ARID5B: variants seen among roughly 807,000 people sequenced by gnomAD.
The protein encoded by ARID5B is AT-rich interaction domain 5B.
A neutral mutation model predicts 97.2 loss-of-function variants in ARID5B; 13 were observed. The observed-to-expected ratio is 0.13, with a 90% CI of 0.09 to 0.21. The LOEUF (loss-of-function observed/expected upper bound fraction) is 0.21. ARID5B is among the 10% of genes least tolerant of loss of function. ARID5B has a pLI of 1.00. For missense variants in ARID5B, 1,210 were observed against 1,465.3 expected (o/e 0.83, Z 2.84); for synonymous variants, 556 against 570.3 (o/e 0.97, Z 0.36).
intron 9 of ARID5B, among the ~76,000 whole-genome samples, chr10:62,087,812 A>G (rs779976943): frequency 6.6e-6 from 1 of 151,976 alleles, no homozygotes; most frequent in Non-Finnish European, 1.5e-5. Context: ...ATTAGGTTTC[A>G]TAATTATTTT....
rs778298769 is a variant in ARID5B, at chr10:62,000,081, G to GT, written c.503-7dup. 3 of 1,613,318 alleles carry GT rather than the reference G, an allele frequency of 1.9e-6. No homozygotes were observed. In the South Asian group the frequency reaches 3.3e-5, roughly 18 times the overall value. On this transcript the variant is annotated splice_polypyrimidine_tract_variant and intron_variant, in intron 3 of 9. Transcript: ENST00000279873. The surrounding 1 kb of genome is among the most constrained non-coding windows in gnomAD (Gnocchi z 4.4). ...AAGAGGGTAATGGAAGTGTTTTCTC[G>GT]TTTGTCTAGGGGAGGACGAGGAAGA...
chr10:62,092,199 G>A lies in ARID5B; in HGVS notation c.2736G>A (p.Lys912=), dbSNP rs117023200. 886 of 1,610,638 alleles carry A rather than the reference G, an allele frequency of 5.5e-4. 2 individuals carry two copies. In the East Asian group the frequency reaches 8.4e-3, roughly 15 times the overall value. Residue 912 remains lysine (K), a synonymous_variant, in exon 10 of 10, where the codon AAG becomes AAA. Coordinates refer to ENST00000279873, the MANE Select transcript of ARID5B (RefSeq NM_032199.3). ...AGCCTACAGATCTGAGCCTTCCCAA[G>A]AACCCGCACAAACCTACCGGCAAGG... ...DDQPTDLSLP[K]NPHKPTGKVL...
intron 4 of ARID5B, among the ~76,000 whole-genome samples, chr10:62,021,591 G>A (rs891761187): frequency 6.6e-6 from 1 of 152,226 alleles, no homozygotes; most frequent in African/African-American, 2.4e-5. Flanking sequence ...TTACCAAGAA[G>A]TATCTCCTTT....
At position 61,918,927 on chromosome 10, in the gene ARID5B, A is replaced by G. The variant is rs557461529; in HGVS notation, c.276+16514A>G. On this transcript the variant is annotated intron_variant, in intron 2 of 9. Coordinates refer to ENST00000279873, the MANE Select transcript of ARID5B (RefSeq NM_032199.3). ...CATGCACCTGTAATCCCAGCTACTC[A>G]GGAGGCTGAGGCAGGAGAATCTCTT... Among the ~76,000 whole-genome samples, 14 of 151,680 alleles carry G rather than the reference A, an allele frequency of 9.2e-5. No homozygotes were observed. In the East Asian group the frequency reaches 2.7e-3, roughly 30 times the overall value.
intron 8 of ARID5B, among the ~76,000 whole-genome samples, chr10:62,077,229 G>C (rs889722280): frequency 6.6e-6 from 1 of 152,150 alleles, no homozygotes; most frequent in Non-Finnish European, 1.5e-5. Flanking sequence ...GTATCACTCA[G>C]CATGCCTAAA....
intron 8 of ARID5B, among the ~76,000 whole-genome samples, chr10:62,080,162 T>C (rs2132969106): frequency 6.6e-6 from 1 of 152,306 alleles, no homozygotes; most frequent in Admixed American, 6.5e-5. Flanking sequence ...CCCCAGACTT[T>C]CAGTTCACAT....
intron 3 of ARID5B, among the ~76,000 whole-genome samples, chr10:61,993,534 T>C (rs1293025844): frequency 6.6e-6 from 1 of 152,222 alleles, no homozygotes; most frequent in Admixed American, 6.5e-5. Flanking sequence ...TCTTTTTTTT[T>C]CTTCATGTTA....
chr10:62,045,370 G>A (rs1448849701), intron 4 of ARID5B, among the ~76,000 whole-genome samples: 6 of 151,880 alleles, frequency 4.0e-5, no homozygotes, highest in Non-Finnish European at 8.8e-5. Flanking sequence ...ATAGAACACA[G>A]TAAATGATAA....
intron 4 of ARID5B, among the ~76,000 whole-genome samples, chr10:62,037,266 G>A (rs1326307625): frequency 6.6e-6 from 1 of 152,280 alleles, no homozygotes; most frequent in African/African-American, 2.4e-5. Flanking sequence ...CCTGAGCCCC[G>A]AGGCTGTGGT....
intron 2 of ARID5B, among the ~76,000 whole-genome samples, chr10:61,921,706 G>A (rs922057826): frequency 3.9e-5 from 6 of 152,156 alleles, no homozygotes; most frequent in Non-Finnish European, 7.3e-5. Context: ...AATCTCAGGG[G>A]ACCATCTTCG....
At chr10:61,902,069 G>T in intron 1 of ARID5B, 90 bp from the exon 2 acceptor site, 1 of 1,495,260 alleles carries the variant, frequency 6.7e-7, no homozygotes, top group Non-Finnish European at 9.1e-7. Flanking sequence ...TATTAAGAGA[G>T]TGGATGTCTG....
intron 2 of ARID5B, among the ~76,000 whole-genome samples, chr10:61,911,751 GCAGC>G (rs1843808422): frequency 6.6e-6 from 1 of 152,176 alleles, no homozygotes; most frequent in African/African-American, 2.4e-5. Context: ...GGCTTGGGGG[GCAGC>G]GGGCAGAAGG....
chr10:62,034,756 G>C (rs1293331783), intron 4 of ARID5B, among the ~76,000 whole-genome samples: 2 of 152,154 alleles, frequency 1.3e-5, no homozygotes, highest in Non-Finnish European at 2.9e-5. Context: ...CTATTTTATT[G>C]ATCTTTGTTA....
At chr10:61,997,107 C>T (rs753784745) in intron 3 of ARID5B, among the ~76,000 whole-genome samples, 6 of 151,906 alleles carry the variant, frequency 3.9e-5, no homozygotes, top group Admixed American at 2.0e-4. Flanking sequence ...CAGACAGTCC[C>T]AGGACCACTA....
At chr10:62,022,047 GC>G (rs1309081798) in intron 4 of ARID5B, among the ~76,000 whole-genome samples, 1 of 152,122 alleles carries the variant, frequency 6.6e-6, no homozygotes, top group Non-Finnish European at 1.5e-5. Flanking sequence ...GTAGCTTTAA[GC>G]CCTGGCACTG....
At chr10:61,942,646 G>C (rs1006578435) in intron 3 of ARID5B, among the ~76,000 whole-genome samples, 1 of 152,218 alleles carries the variant, frequency 6.6e-6, no homozygotes, top group Non-Finnish European at 1.5e-5. Context: ...AGAAAAATTA[G>C]TCACGTGTGG....
intron 2 of ARID5B, among the ~76,000 whole-genome samples, chr10:61,923,530 G>C (rs183945143): frequency 6.6e-6 from 1 of 152,286 alleles, no homozygotes; most frequent in East Asian, 1.9e-4. Flanking sequence ...TTGTTGAACT[G>C]ATAAAATCAC....
At chr10:62,023,148 C>A (rs1360459762) in intron 4 of ARID5B, among the ~76,000 whole-genome samples, 1 of 152,184 alleles carries the variant, frequency 6.6e-6, no homozygotes, top group African/African-American at 2.4e-5. Flanking sequence ...TTACTATGAA[C>A]AATTCTTATC....
At chr10:62,062,931 TA>T (rs1205334710) in intron 7 of ARID5B, among the ~76,000 whole-genome samples, 2 of 152,184 alleles carry the variant, frequency 1.3e-5, no homozygotes, top group Admixed American at 6.5e-5. Context: ...GAGAATTTGG[TA>T]CACAATTGTC....
Sources: allele counts gnomAD v4.1 joint callset (sites outside exome capture counted in the v4.1 genomes callset), GRCh38; gene constraint gnomAD v4.1.1; non-coding constraint Gnocchi (gnomAD v3.1); transcripts MANE v1.5; gene names NCBI Gene and HGNC (gene_info 2026-07-23, HGNC 2026-07-21).